The following ERICH5 variants were observed in gnomAD, a reference collection of about 807,000 sequenced individuals.
The protein encoded by ERICH5 is glutamate-rich protein 5.
A neutral mutation model predicts 28.0 loss-of-function variants in ERICH5; 24 were observed. That is an observed-to-expected ratio of 0.86 (90% CI 0.62 to 1.21). The LOEUF (loss-of-function observed/expected upper bound fraction) is 1.21, where lower values mean the gene tolerates loss of function less well. Ranked by LOEUF, ERICH5 falls within the 50% of genes most tolerant of loss-of-function variation. The pLI, the probability that ERICH5 is intolerant of heterozygous loss-of-function variation, is 0.00. For missense variants in ERICH5, 421 were observed against 441.2 expected (o/e 0.95, Z 0.41); for synonymous variants, 163 against 157.6 (o/e 1.03, Z -0.25).
intron 1 of ERICH5, among the ~76,000 whole-genome samples, chr8:98,082,361 A>T (rs1815198275): frequency 6.6e-6 from 1 of 152,042 alleles, no homozygotes; most frequent in Non-Finnish European, 1.5e-5. Flanking sequence ...TTACATAAGA[A>T]CTGGCTGGGC....
At chr8:98,086,875 C>T (rs549610131) in intron 1 of ERICH5, among the ~76,000 whole-genome samples, 5 of 147,946 alleles carry the variant, frequency 3.4e-5, no homozygotes, top group Non-Finnish European at 5.9e-5. Flanking sequence ...GGTGTGAACC[C>T]AGGTGGCGGA....
intron 1 of ERICH5, among the ~76,000 whole-genome samples, chr8:98,085,516 C>T (rs1018169419): frequency 2.0e-5 from 3 of 151,864 alleles, no homozygotes; most frequent in African/African-American, 7.3e-5. Context: ...GGGTTGTTTC[C>T]GGGTTTGGGC....
intron 1 of ERICH5, among the ~76,000 whole-genome samples, chr8:98,073,919 T>C (rs1032128682): frequency 4.1e-4 from 14 of 34,504 alleles, no homozygotes; most frequent in African/African-American, 1.6e-3. Context: ...TTCTCTCTTT[T>C]TCTTTTTTTT....
chr8:98,078,601 G>A (rs1815103810), intron 1 of ERICH5, among the ~76,000 whole-genome samples: 1 of 152,216 alleles, frequency 6.6e-6, no homozygotes, highest in East Asian at 1.9e-4. Context: ...TTTCAGGTAT[G>A]TTAGCTTTAG....
intron 2 of ERICH5, among the ~76,000 whole-genome samples, chr8:98,091,891 TC>T (rs1298868892): frequency 2.1e-4 from 16 of 74,422 alleles, no homozygotes; most frequent in African/African-American, 4.5e-4. Flanking sequence ...TTTCTTTCTT[TC>T]TTTCTTTCCT....
At position 98,089,511 on chromosome 8, in the gene ERICH5, T is replaced by C; in HGVS notation, c.494T>C (p.Val165Ala). The C allele has an allele frequency of 1.9e-6, 3 of 1,614,178 alleles. No homozygotes were observed. The highest frequency in any genetic ancestry group is 2.5e-6 in the Non-Finnish European group (3 of 1,180,040). The change falls in exon 2 of 3, where the codon GTA (valine) becomes GCA (alanine). Residue 165 changes from valine (V) to alanine (A), a missense_variant. By Grantham distance (64) the Val-to-Ala change is moderately conservative. Coordinates refer to ENST00000318528, the MANE Select transcript of ERICH5 (RefSeq NM_173549.3). Reference protein sequence around the residue: ...EAKGQPLQAAVEKDSLRAVEV... With the variant: ...EAKGQPLQAAAEKDSLRAVEV... ...AAGGGTCAGCCTTTGCAGGCAGCAG[T>C]AGAGAAGGACTCTCTCAGAGCAGTG...
intron 2 of ERICH5, among the ~76,000 whole-genome samples, chr8:98,091,993 C>CTTCCTTCCTTCCTTCCTTCCTTCCTT (rs1554621761): frequency 5.5e-5 from 3 of 55,022 alleles, no homozygotes; most frequent in African/African-American, 1.4e-4. Flanking sequence ...TCTCTCTCTC[C>CTTCCTTCCTTCCTTCCTTCCTTCCTT]CCTTCCTTCC....
rs1289703378 is a variant in ERICH5 at position 98,073,516 on chromosome 8, GTATATATA to G, written c.58+8812_58+8819del. Among the ~76,000 whole-genome samples the G allele has an allele frequency of 3.6e-3, 19 of 5,296 alleles. 2 individuals carry two copies. The highest frequency in any genetic ancestry group is 8.0e-3 in the Admixed American group (2 of 250). The allele number at this position is 5,296 out of a possible 152,430, so 3.5% of individuals were successfully genotyped here. On this transcript the variant is annotated intron_variant, in intron 1 of 2. Coordinates refer to ENST00000318528, the MANE Select transcript of ERICH5 (RefSeq NM_173549.3). ...TATATATATATATATATATATATAT[GTATATATA>G]TATATATATATATATATATATAATT...
At chr8:98,078,253 G>C (rs1385601335) in intron 1 of ERICH5, among the ~76,000 whole-genome samples, 1 of 152,212 alleles carries the variant, frequency 6.6e-6, no homozygotes, top group African/African-American at 2.4e-5. Flanking sequence ...TGGATGGATG[G>C]ATGAAGGATA....
chr8:98,067,132 G>A (rs1232101120), intron 1 of ERICH5, among the ~76,000 whole-genome samples: 1 of 152,094 alleles, frequency 6.6e-6, no homozygotes. Flanking sequence ...AATCAGAGCT[G>A]GGCTTTGAAC....
chr8:98,091,850 TTC>T (rs1428262685), intron 2 of ERICH5, among the ~76,000 whole-genome samples: 3 of 83,932 alleles, frequency 3.6e-5, no homozygotes, highest in Non-Finnish European at 4.8e-5. Flanking sequence ...CTTTCTTTCT[TTC>T]TTTCTTTCTT....
At chr8:98,078,544 C>T (rs189054707) in intron 1 of ERICH5, among the ~76,000 whole-genome samples, 521 of 152,188 alleles carry the variant, frequency 3.4e-3, no homozygotes, top group Middle Eastern at 0.017. Flanking sequence ...TTTTCATTTC[C>T]GATTAGGGTA....
At chr8:98,080,634 TCTTCTCCTTCTCCTTCTTCTTCTCCTC>T (rs1815164184) in intron 1 of ERICH5, among the ~76,000 whole-genome samples, 1 of 150,794 alleles carries the variant, frequency 6.6e-6, no homozygotes, top group African/African-American at 2.4e-5. Flanking sequence ...TCCTTCACCT[TCTTCTCCTTCTCCTTCTTCTTCTCCTC>T]CTTCTCCTTC....
chr8:98,071,909 T>G (rs1451639467), intron 1 of ERICH5, among the ~76,000 whole-genome samples: 1 of 112,378 alleles, frequency 8.9e-6, no homozygotes, highest in Non-Finnish European at 1.8e-5. Context: ...TTTTAAGTTT[T>G]ATTTTATTTT....
chr8:98,064,702 C>G lies in ERICH5; in HGVS notation c.33C>G (p.Ala11=), dbSNP rs756166761. 6 of 1,535,444 alleles carry G rather than the reference C, an allele frequency of 3.9e-6. No homozygotes were observed. Among genetic ancestry groups the G allele is most frequent in the Non-Finnish European group, 5.2e-6 (6 of 1,143,708 alleles). Residue 11 remains alanine, a synonymous_variant, in exon 1 of 3, where the codon GCC becomes GCG. Transcript: ENST00000318528. ...GCTCCAGCAGCGCCCTCAACAAGGC[C>G]GGCGACAGCAGCAGGTTCCCCAGCG... The part of the protein sequence containing the change: MGCSSSALNK[A]GDSSRFPSVT...
At position 98,064,636 on chromosome 8, in the gene ERICH5, C is replaced by T; in HGVS notation, c.-34C>T. On this transcript the variant is annotated 5_prime_UTR_variant, in exon 1 of 3. Coordinates refer to ENST00000318528, the MANE Select transcript of ERICH5 (RefSeq NM_173549.3). ...GTTCCCGGTTCCGGGCCGACACCCGCGCAGGGCTGAGACAGGTGTCTGCGC... is the reference window on the plus strand; with the variant it reads ...GTTCCCGGTTCCGGGCCGACACCCGTGCAGGGCTGAGACAGGTGTCTGCGC... 1 of 1,487,246 alleles carries T rather than the reference C, an allele frequency of 6.7e-7. No homozygotes were observed. Among genetic ancestry groups the T allele is most frequent in the South Asian group, 1.3e-5 (1 of 78,852 alleles). 92.1% of individuals were successfully genotyped at this position (1,487,246 alleles called of 1,614,324 possible). A position where few individuals can be genotyped will look rare whatever the true frequency, so the allele number is the denominator to read the frequency against.
At chr8:98,081,836 G>T (rs1299607657) in intron 1 of ERICH5, among the ~76,000 whole-genome samples, 1 of 152,042 alleles carries the variant, frequency 6.6e-6, no homozygotes. Flanking sequence ...GCGGAGGCAG[G>T]AGAATTGCTT....
chr8:98,089,251 C>A lies in ERICH5; in HGVS notation c.234C>A (p.Pro78=). The part of the protein sequence containing the change: ...SAEPTANGVK[P]LQEQPLAKDV... ...AGCCTACAGCTAATGGTGTTAAACC[C>A]CTCCAAGAACAGCCCCTGGCCAAGG... Residue 78 remains proline (P), a synonymous_variant, in exon 2 of 3, where the codon CCC becomes CCA. Coordinates refer to ENST00000318528, the MANE Select transcript of ERICH5 (RefSeq NM_173549.3). The A allele has an allele frequency of 6.2e-7, 1 of 1,614,180 alleles. No individual in the cohort carries two copies. The highest frequency in any genetic ancestry group is 2.2e-5 in the East Asian group (1 of 44,874).
intron 1 of ERICH5, among the ~76,000 whole-genome samples, chr8:98,075,668 C>A (rs753937260): frequency 1.3e-5 from 2 of 152,010 alleles, no homozygotes; most frequent in Non-Finnish European, 2.9e-5. Context: ...TGCACAGAGC[C>A]CCCACGCTTG....
Sources: allele counts gnomAD v4.1 joint callset (sites outside exome capture counted in the v4.1 genomes callset), GRCh38; gene constraint gnomAD v4.1.1; transcripts MANE v1.5; gene names NCBI Gene and HGNC (gene_info 2026-07-23, HGNC 2026-07-21).